Variants in MGAT4C observed in about 807,000 individuals in gnomAD.
MGAT4C encodes the protein MGAT4 family member C.
MGAT4C carries 19 observed loss-of-function variants against 40.1 expected under a neutral mutation model. The ratio of observed to expected loss-of-function variants is 0.47; its 90% confidence interval spans 0.33 to 0.70. The LOEUF (loss-of-function observed/expected upper bound fraction) is 0.70, where lower values mean the gene tolerates loss of function less well. Ranked by LOEUF, MGAT4C falls within the 30% of genes least tolerant of loss-of-function variation. The probability of loss-of-function intolerance (pLI) is 0.02; values close to 1 mark genes in which losing one functional copy is unlikely to be tolerated. For synonymous variants in MGAT4C, 181 were observed against 187.1 expected (o/e 0.97, Z 0.27); for missense variants, 491 against 563.2 (o/e 0.87, Z 1.30).
intron 3 of MGAT4C, among the ~76,000 whole-genome samples, chr12:86,411,507 T>A (rs1367368876): frequency 1.3e-5 from 2 of 152,324 alleles, no homozygotes; most frequent in East Asian, 1.9e-4. Flanking sequence ...TGATTTAGGT[T>A]ATCTGGTGTA....
intron 1 of MGAT4C, among the ~76,000 whole-genome samples, chr12:86,807,028 A>T (rs28853906): frequency 0.34 from 50,620 of 149,312 alleles, 9,560 homozygotes; most frequent in Admixed American, 0.46. Context: ...TATAAATAAA[A>T]AATAAATAAA....
At chr12:86,746,440 G>T (rs1463358251) in intron 1 of MGAT4C, among the ~76,000 whole-genome samples, 1 of 151,384 alleles carries the variant, frequency 6.6e-6, no homozygotes, top group Non-Finnish European at 1.5e-5. Context: ...CACTGTACTG[G>T]ACTACCCTTG....
At chr12:86,092,135 T>C (rs1367028309) in intron 1 of MGAT4C, among the ~76,000 whole-genome samples, 3 of 152,096 alleles carry the variant, frequency 2.0e-5, no homozygotes, top group Admixed American at 6.6e-5. Context: ...TCATTGCAGA[T>C]CAGAATTCTC....
At chr12:86,118,267 G>A (rs947487832) in intron 1 of MGAT4C, among the ~76,000 whole-genome samples, 9 of 152,178 alleles carry the variant, frequency 5.9e-5, no homozygotes, top group African/African-American at 2.2e-4. Flanking sequence ...CTTCCAGGAA[G>A]TTTGCAATGA....
intron 2 of MGAT4C, among the ~76,000 whole-genome samples, chr12:86,554,634 A>G (rs1032715263): frequency 6.6e-6 from 1 of 152,168 alleles, no homozygotes; most frequent in Non-Finnish European, 1.5e-5. Context: ...TAGTTTCAAC[A>G]ATCACTATGT....
chr12:86,670,618 A>C (rs1964231146), intron 2 of MGAT4C, among the ~76,000 whole-genome samples: 1 of 152,192 alleles, frequency 6.6e-6, no homozygotes, highest in Non-Finnish European at 1.5e-5. Context: ...CGCATTCATG[A>C]GAGAGAACCT....
intron 2 of MGAT4C, among the ~76,000 whole-genome samples, chr12:86,683,866 G>A (rs1327235061): frequency 6.6e-6 from 1 of 152,122 alleles, no homozygotes; most frequent in Non-Finnish European, 1.5e-5. Context: ...TCTTGTTGCA[G>A]CTGATGAGCT....
intron 3 of MGAT4C, among the ~76,000 whole-genome samples, chr12:86,434,741 C>T (rs763089772): frequency 1.3e-5 from 2 of 151,716 alleles, no homozygotes; most frequent in Non-Finnish European, 2.9e-5. Flanking sequence ...ATCCAAAGGC[C>T]GAATTTGGTG....
At chr12:86,504,169 T>C (rs1958428594) in intron 2 of MGAT4C, among the ~76,000 whole-genome samples, 1 of 151,962 alleles carries the variant, frequency 6.6e-6, no homozygotes, top group Non-Finnish European at 1.5e-5. Context: ...AACTTGGCAA[T>C]ACCTAGTGAG....
intron 2 of MGAT4C, among the ~76,000 whole-genome samples, chr12:86,043,848 C>A (rs1892125764): frequency 6.6e-6 from 1 of 152,150 alleles, no homozygotes; most frequent in Non-Finnish European, 1.5e-5. Context: ...CTTTCCTGTC[C>A]ATGATCTGAA....
At chr12:86,468,930 G>T (rs2406142) in intron 2 of MGAT4C, among the ~76,000 whole-genome samples, 130,986 of 152,052 alleles carry the variant, frequency 0.86, 56,593 homozygotes, top group East Asian at 1. Context: ...TTTGGATTCT[G>T]TCAATTCCCT....
chr12:86,336,983 G>A (rs544229915), intron 3 of MGAT4C, among the ~76,000 whole-genome samples: 123 of 152,184 alleles, frequency 8.1e-4, no homozygotes, highest in African/African-American at 2.8e-3. Context: ...TATAATATTA[G>A]GCAAGTTGTC....
intron 1 of MGAT4C, among the ~76,000 whole-genome samples, chr12:86,771,266 G>A (rs1449865058): frequency 6.6e-6 from 1 of 152,084 alleles, no homozygotes; most frequent in African/African-American, 2.4e-5. Flanking sequence ...CTCATTCTGA[G>A]GCACTTTGTC....
intron 2 of MGAT4C, among the ~76,000 whole-genome samples, chr12:86,621,307 A>C (rs1962629409): frequency 6.6e-6 from 1 of 152,172 alleles, no homozygotes; most frequent in Admixed American, 6.5e-5. Context: ...TCTGGACAAA[A>C]TACTTGAAAT....
intron 3 of MGAT4C, among the ~76,000 whole-genome samples, chr12:86,396,524 T>C (rs1956266364): frequency 6.6e-6 from 1 of 152,164 alleles, no homozygotes; most frequent in South Asian, 2.1e-4. Flanking sequence ...TGGATGCCCA[T>C]CCATCATTTG....
intron 1 of MGAT4C, among the ~76,000 whole-genome samples, chr12:86,183,064 T>G (rs1888306140): frequency 6.6e-6 from 1 of 152,180 alleles, no homozygotes; most frequent in South Asian, 2.1e-4. Flanking sequence ...CCATTTTTCT[T>G]CATCATGTTC....
intron 1 of MGAT4C, among the ~76,000 whole-genome samples, chr12:86,222,358 A>C (rs1950913835): frequency 6.6e-6 from 1 of 152,212 alleles, no homozygotes; most frequent in Non-Finnish European, 1.5e-5. Flanking sequence ...AAATTCAAAC[A>C]AAGGTCTCAA....
intron 1 of MGAT4C, among the ~76,000 whole-genome samples, chr12:86,751,374 G>A (rs1167393409): frequency 2.0e-5 from 3 of 151,828 alleles, no homozygotes; most frequent in Admixed American, 1.3e-4. Flanking sequence ...TACTTTTAAC[G>A]AACATTAACC....
intron 3 of MGAT4C, among the ~76,000 whole-genome samples, chr12:86,341,528 T>G: frequency 6.6e-6 from 1 of 152,228 alleles, no homozygotes; most frequent in East Asian, 1.9e-4. Flanking sequence ...ATAGGCTGCA[T>G]TTCCAGAGCA....
Sources: gnomAD v4.1 joint callset for allele counts (sites outside exome capture counted in the v4.1 genomes callset) on GRCh38, gnomAD v4.1.1 for gene constraint, MANE v1.5 for transcripts, NCBI Gene and HGNC (gene_info 2026-07-23, HGNC 2026-07-21) for gene names.